ARHGAP15: variants seen among roughly 807,000 people sequenced by gnomAD.
The protein encoded by ARHGAP15 is Rho GTPase activating protein 15.
In ARHGAP15, 51 loss-of-function variants were observed where a neutral mutation model predicts 63.7. That is an observed-to-expected ratio of 0.80 (90% CI 0.64 to 1.01). ARHGAP15 has a LOEUF of 1.01. Among genes scored for constraint, ARHGAP15 ranks in the 50% least tolerant of loss-of-function variants. The pLI, the probability that ARHGAP15 is intolerant of heterozygous loss-of-function variation, is 0.00. For synonymous variants in ARHGAP15, 191 were observed against 193.8 expected, an observed-to-expected ratio of 0.99 and a Z score of 0.12; for missense variants, 560 against 564.6, an observed-to-expected ratio of 0.99 and a Z score of 0.08.
chr2:143,159,048 A>T (rs1370686510), intron 2 of ARHGAP15, among the ~76,000 whole-genome samples: 1 of 151,890 alleles, frequency 6.6e-6, no homozygotes, highest in Non-Finnish European at 1.5e-5. Flanking sequence ...CTGGTGTCTT[A>T]AGCAACAACG....
intron 4 of ARHGAP15, among the ~76,000 whole-genome samples, chr2:143,227,275 C>T (rs760865568): frequency 5.3e-5 from 8 of 152,048 alleles, no homozygotes; most frequent in Non-Finnish European, 1.0e-4. Context: ...TCAAAAGCCG[C>T]GATTTTACCA....
chr2:143,345,826 A>G (rs564464087), intron 6 of ARHGAP15, among the ~76,000 whole-genome samples: 5 of 152,176 alleles, frequency 3.3e-5, no homozygotes, highest in African/African-American at 9.6e-5. Context: ...CAGTTTTATC[A>G]CCATATTATC....
intron 11 of ARHGAP15, among the ~76,000 whole-genome samples, chr2:143,570,429 C>T (rs1410848818): frequency 6.6e-6 from 1 of 152,192 alleles, no homozygotes; most frequent in Non-Finnish European, 1.5e-5. Flanking sequence ...ACTCAACACA[C>T]TAAACATTTC....
At chr2:143,679,654 C>T (rs199566398) in intron 12 of ARHGAP15, among the ~76,000 whole-genome samples, 4 of 149,846 alleles carry the variant, frequency 2.7e-5, no homozygotes, top group Non-Finnish European at 4.4e-5. Context: ...TGCGTGTGTG[C>T]GTGTGTGTGT....
chr2:143,621,384 A>G (rs989520702), intron 11 of ARHGAP15, among the ~76,000 whole-genome samples: 7 of 95,130 alleles, frequency 7.4e-5, no homozygotes, highest in Non-Finnish European at 2.1e-4. Context: ...GGTTATGGTT[A>G]GTTCATCTTG....
At chr2:143,752,877 C>T (rs1686433202) in intron 13 of ARHGAP15, among the ~76,000 whole-genome samples, 1 of 152,194 alleles carries the variant, frequency 6.6e-6, no homozygotes, top group African/African-American at 2.4e-5. Context: ...TGGCTCACAC[C>T]TGTAATCCCA....
chr2:143,747,984 T>C (rs1415794837), intron 13 of ARHGAP15, among the ~76,000 whole-genome samples: 2 of 152,208 alleles, frequency 1.3e-5, no homozygotes, highest in Non-Finnish European at 2.9e-5. Flanking sequence ...TTCTTAAACT[T>C]GAATCAAAGT....
intron 9 of ARHGAP15, among the ~76,000 whole-genome samples, chr2:143,489,648 G>T (rs1421237158): frequency 6.6e-6 from 1 of 151,932 alleles, no homozygotes; most frequent in Admixed American, 6.6e-5. Context: ...TTAAAGCAAA[G>T]ACTTAGAAAA....
At chr2:143,468,635 A>T (rs763689738) in intron 8 of ARHGAP15, among the ~76,000 whole-genome samples, 122 of 68,260 alleles carry the variant, frequency 1.8e-3, no homozygotes, top group Non-Finnish European at 3.5e-3. Flanking sequence ...TTTCTTTGTG[A>T]GAGAGAGAGA....
intron 6 of ARHGAP15, among the ~76,000 whole-genome samples, chr2:143,355,804 CTG>C (rs1685784005): frequency 1.3e-5 from 2 of 152,136 alleles, no homozygotes; most frequent in East Asian, 3.9e-4. Flanking sequence ...ATATCTGCAC[CTG>C]ATGTTGCATG....
intron 2 of ARHGAP15, among the ~76,000 whole-genome samples, chr2:143,165,921 A>C (rs183969829): frequency 6.0e-5 from 9 of 150,726 alleles, no homozygotes; most frequent in African/African-American, 2.2e-4. Flanking sequence ...CCATGCCTTT[A>C]ACGTCAAGAA....
At chr2:143,558,551 G>A (rs1305094124) in intron 11 of ARHGAP15, among the ~76,000 whole-genome samples, 1 of 152,108 alleles carries the variant, frequency 6.6e-6, no homozygotes, top group African/African-American at 2.4e-5. Context: ...ATTAAAATTT[G>A]TAAGTCTTGG....
chr2:143,393,043 T>TA (rs1161405824), intron 6 of ARHGAP15, among the ~76,000 whole-genome samples: 6 of 152,158 alleles, frequency 3.9e-5, no homozygotes, highest in African/African-American at 1.4e-4. Context: ...TCCCCTCTTT[T>TA]ATAAAATACA....
chr2:143,288,480 T>A (rs1682225173), intron 6 of ARHGAP15, among the ~76,000 whole-genome samples: 1 of 152,178 alleles, frequency 6.6e-6, no homozygotes, highest in African/African-American at 2.4e-5. Flanking sequence ...TTTTGAGCAC[T>A]AGCTTATCTT....
chr2:143,451,725 TAAACTG>T (rs1298259256), intron 8 of ARHGAP15, among the ~76,000 whole-genome samples: 1 of 152,032 alleles, frequency 6.6e-6, no homozygotes, highest in Non-Finnish European at 1.5e-5. Flanking sequence ...GTGTTTTTCT[TAAACTG>T]AAAATGACCA....
intron 11 of ARHGAP15, among the ~76,000 whole-genome samples, chr2:143,595,118 C>T (rs1697463037): frequency 6.6e-6 from 1 of 152,052 alleles, no homozygotes; most frequent in South Asian, 2.1e-4. Context: ...TTCTGTTTAA[C>T]CAAAATGCAA....
At chr2:143,513,147 A>G (rs190480661) in intron 9 of ARHGAP15, among the ~76,000 whole-genome samples, 1 of 152,304 alleles carries the variant, frequency 6.6e-6, no homozygotes, top group East Asian at 1.9e-4. Flanking sequence ...CTTTGCTGGT[A>G]ACTGGGGAAA....
intron 5 of ARHGAP15, among the ~76,000 whole-genome samples, chr2:143,250,177 G>A (rs1318679530): frequency 1.3e-5 from 2 of 151,900 alleles, no homozygotes; most frequent in African/African-American, 2.4e-5. Context: ...ACATTGAAGA[G>A]CAATATTCCA....
At chr2:143,358,174 A>G (rs1207405453) in intron 6 of ARHGAP15, among the ~76,000 whole-genome samples, 2 of 152,208 alleles carry the variant, frequency 1.3e-5, no homozygotes, top group Non-Finnish European at 2.9e-5. Flanking sequence ...ATGGTGAGCC[A>G]ATGCTTGTAG....
Sources: gnomAD v4.1 joint callset for allele counts (sites outside exome capture counted in the v4.1 genomes callset) on GRCh38, gnomAD v4.1.1 for gene constraint, MANE v1.5 for transcripts, NCBI Gene and HGNC (gene_info 2026-07-23, HGNC 2026-07-21) for gene names.